Variants in PDE4A observed in about 807,000 individuals in gnomAD.
PDE4A encodes the protein phosphodiesterase 4A, also known as 3',5'-cyclic-AMP phosphodiesterase 4A.
A neutral mutation model predicts 73.9 loss-of-function variants in PDE4A; 21 were observed. The ratio of observed to expected loss-of-function variants is 0.28; its 90% CI spans 0.20 to 0.41. The LOEUF (loss-of-function observed/expected upper bound fraction) is 0.41, where lower values mean the gene tolerates loss of function less well. Among genes scored for constraint, PDE4A ranks in the 10% least tolerant of loss-of-function variants. The pLI is 1.00. For synonymous variants in PDE4A, 463 were observed against 505.4 expected, an observed-to-expected ratio of 0.92 and a Z score of 1.13; for missense variants, 958 against 1,211.4, an observed-to-expected ratio of 0.79 and a Z score of 3.10.
chr19:10,427,853 G>A (rs2042736829), intron 1 of PDE4A: 2 of 985,198 alleles, frequency 2.0e-6, no homozygotes, highest in Non-Finnish European at 2.4e-6. Context: ...GCATTTCTGG[G>A]ACAGGTATAG....
chr19:10,447,649 A>G (rs984974228), intron 2 of PDE4A, among the ~76,000 whole-genome samples: 3 of 151,936 alleles, frequency 2.0e-5, no homozygotes, highest in Non-Finnish European at 2.9e-5. Flanking sequence ...GATTGCAGGC[A>G]TGAGCCACCC....
At chr19:10,455,481 AAT>A (rs991164075) in intron 7 of PDE4A, among the ~76,000 whole-genome samples, 21 of 151,032 alleles carry the variant, frequency 1.4e-4, no homozygotes, top group African/African-American at 2.2e-4. Context: ...AAAAAAAAAA[AAT>A]ATTAGCCGGG....
chr19:10,416,898 G>A (rs1179709162), upstream of PDE4A: 1 of 1,535,536 alleles, frequency 6.5e-7, no homozygotes, highest in Non-Finnish European at 8.7e-7. Context: ...CCCTGGCCCT[G>A]CCGACATGGC....
intron 1 of PDE4A, among the ~76,000 whole-genome samples, chr19:10,439,982 C>CTTTT (rs1162121051): frequency 0.15 from 16,883 of 113,556 alleles, 1,859 homozygotes; most frequent in East Asian, 0.42. Context: ...ATGGTATCTC[C>CTTTT]TTTTTTTTTT....
intron 4 of PDE4A, 91 bp downstream of exon 4, chr19:10,449,241 C>T: frequency 2.2e-6 from 3 of 1,379,376 alleles, no homozygotes; most frequent in Non-Finnish European, 3.0e-6. Context: ...CTCTGGCAGG[C>T]AGGTGACCTC....
At chr19:10,417,034 T>TG (rs745816733), upstream of PDE4A, 104 of 1,532,554 alleles carry the variant, frequency 6.8e-5, no homozygotes, top group South Asian at 5.9e-4. Context: ...CTTCGCCCCT[T>TG]GGGGGAGACT....
In PDE4A at chr19:10,467,917, AAAG is replaced by A; in HGVS notation, c.*299_*301del. 7 of 252,052 alleles carry A rather than the reference AAAG, an allele frequency of 2.8e-5. No individual in the cohort carries two copies. The highest frequency in any genetic ancestry group is 4.5e-5 in the Non-Finnish European group (6 of 133,620). The allele number at this position is 252,052 out of a possible 1,614,324, so 15.6% of individuals were successfully genotyped here. ...GAAAAAGAACAAAAAAAGAAAAAAA[AAAG>A]AAAGAAACACAGCAACTGTAGATGC... is the stretch of plus-strand genomic sequence containing the variant. On this transcript the variant is annotated 3_prime_UTR_variant, in exon 15 of 15. Coordinates refer to ENST00000380702, the MANE Select transcript of PDE4A (RefSeq NM_001111307.2).
At chr19:10,420,450 CGGGCGGGGGGCGGGGAG>C, upstream of PDE4A, 1 of 300,546 alleles carries the variant, frequency 3.3e-6, no homozygotes, top group Non-Finnish European at 4.4e-6. This position sits in a 1 kb window ranked among gnomAD's most constrained non-coding sequence, Gnocchi z 6.0. Flanking sequence ...ACAGCCGCGG[CGGGCGGGGGGCGGGGAG>C]GGGCGGGACG....
At chr19:10,417,615 C>T, upstream of PDE4A, 3 of 1,537,392 alleles carry the variant, frequency 2.0e-6, no homozygotes, top group Non-Finnish European at 2.6e-6. Context: ...GGGCTCAGAG[C>T]TTCCCAGCCA....
chr19:10,461,275 G>C (rs1288698831), intron 11 of PDE4A, among the ~76,000 whole-genome samples, 172 bp downstream of exon 11: 12 of 134,178 alleles, frequency 8.9e-5, no homozygotes, highest in Admixed American at 2.2e-4. Flanking sequence ...GGCTGGCTGG[G>C]CTGGAAAGGG....
chr19:10,458,113 G>C lies in PDE4A; in HGVS notation c.1101+11G>C, dbSNP rs760917928. 2 of 1,613,158 alleles carry C rather than the reference G, an allele frequency of 1.2e-6. No homozygotes were observed. The highest frequency in any genetic ancestry group is 1.7e-6 in the Non-Finnish European group (2 of 1,179,608). ...GAGCTCCTGGCCCAAGTGGGTGGGG[G>C]CTCAGTAGGGGCAGGGCTGGAGGGG... On this transcript the variant is annotated intron_variant, in intron 8 of 14. Coordinates refer to ENST00000380702, the MANE Select transcript of PDE4A (RefSeq NM_001111307.2). The surrounding 1 kb of genome is among the most constrained non-coding windows in gnomAD (Gnocchi z 4.6).
At chr19:10,420,407 T>C (rs1238855370), upstream of PDE4A, 1 of 951,954 alleles carries the variant, frequency 1.1e-6, no homozygotes, top group Non-Finnish European at 1.2e-6. The surrounding 1 kb of genome is among the most constrained non-coding windows in gnomAD (Gnocchi z 6.0). Context: ...TGCCCCCCGC[T>C]GGCCCGGACG....
At chr19:10,423,156 TC>T in intron 1 of PDE4A, 30 of 796,760 alleles carry the variant, frequency 3.8e-5, no homozygotes, top group South Asian at 1.8e-4. Flanking sequence ...AAACCCTTTC[TC>T]TTTTTTTTTT....
Position 10,420,680 on chromosome 19 carries a change from C to A in PDE4A, c.-85C>A. ...CGCGGCCGGGCGCACCCGCGGGGCCCTGGGCTCGCTGGCTTGCGCGCAGCT... is the reference window on the plus strand; with the variant it reads ...CGCGGCCGGGCGCACCCGCGGGGCCATGGGCTCGCTGGCTTGCGCGCAGCT... On this transcript the variant is annotated 5_prime_UTR_variant, in exon 1 of 15. The change creates a new upstream start codon in the 5' untranslated region. Coordinates refer to ENST00000380702, the MANE Select transcript of PDE4A (RefSeq NM_001111307.2). This position sits in a 1 kb window ranked among gnomAD's most constrained non-coding sequence, Gnocchi z 6.0. The A allele has an allele frequency of 7.2e-7, 1 of 1,382,020 alleles. No individual in the cohort carries two copies. The highest frequency in any genetic ancestry group is 9.3e-7 in the Non-Finnish European group (1 of 1,077,736). 85.6% of individuals were successfully genotyped at this position (1,382,020 alleles called of 1,614,324 possible).
At chr19:10,428,240 C>T (rs973798077) in intron 1 of PDE4A, among the ~76,000 whole-genome samples, 1 of 152,070 alleles carries the variant, frequency 6.6e-6, no homozygotes, top group Non-Finnish European at 1.5e-5. Context: ...TACTCAGCTA[C>T]TTAGCTGCTC....
At chr19:10,465,406 G>T (rs998124905) in intron 14 of PDE4A, among the ~76,000 whole-genome samples, 4 of 151,792 alleles carry the variant, frequency 2.6e-5, no homozygotes, top group Non-Finnish European at 5.9e-5. Context: ...TTTTAGTAAA[G>T]ATGGTGTTTC....
In PDE4A at chr19:10,449,096, G is replaced by A. The variant is rs184667824; in HGVS notation, c.566G>A (p.Arg189Gln). 115 of 1,613,586 alleles carry A rather than the reference G, an allele frequency of 7.1e-5. No individual in the cohort carries two copies. The African/African-American group carries it at 1.1e-3, about 16-fold the overall frequency. The change falls in exon 4 of 15, where the codon CGG becomes CAG. Residue 189 changes from arginine to glutamine, a missense_variant. Coordinates refer to ENST00000380702, the MANE Select transcript of PDE4A (RefSeq NM_001111307.2). ...TPFAQVLASL[R>Q]SVRSNFSLLT... is the part of the protein sequence containing the mutation. ...CCATCCCAGGTGCTGGCCAGCCTCC[G>A]GAGCGTCCGTAGCAACTTCTCACTC... is the stretch of plus-strand genomic sequence containing the variant.
In PDE4A at chr19:10,453,168, A is replaced by T; in HGVS notation, c.784-1661A>T. Reference sequence around the variant, plus strand: ...TCCGCGGCTCCCCCTTCCACTACCCACCTGCCCGGCACCCCCTCCCCAGTG... The same window carrying T: ...TCCGCGGCTCCCCCTTCCACTACCCTCCTGCCCGGCACCCCCTCCCCAGTG... On this transcript the variant is annotated intron_variant, in intron 6 of 14. Coordinates refer to ENST00000380702, the MANE Select transcript of PDE4A (RefSeq NM_001111307.2). The surrounding 1 kb of genome is among the most constrained non-coding windows in gnomAD (Gnocchi z 4.6). 6.8e-7 allele frequency: 1 copy of T among 1,462,128 alleles called. No homozygotes were observed. The highest frequency in any genetic ancestry group is 1.4e-5 in the South Asian group (1 of 70,956). 90.6% of individuals were successfully genotyped at this position (1,462,128 alleles called of 1,614,324 possible).
intron 11 of PDE4A, 35 bp downstream of exon 11, chr19:10,461,138 G>A: frequency 6.3e-7 from 1 of 1,598,902 alleles, no homozygotes; most frequent in East Asian, 2.3e-5. Context: ...GGTTTGCTGA[G>A]TTGGAGGCGG....
Sources: gnomAD v4.1 joint callset for allele counts (sites outside exome capture counted in the v4.1 genomes callset) on GRCh38, gnomAD v4.1.1 for gene constraint, Gnocchi (gnomAD v3.1) non-coding constraint, MANE v1.5 for transcripts, NCBI Gene and HGNC (gene_info 2026-07-23, HGNC 2026-07-21) for gene names.